Variants in STRN3 observed in about 807,000 individuals in gnomAD.
The protein encoded by STRN3 is striatin 3, also known as striatin-3.
In STRN3, 29 loss-of-function variants were observed where a neutral mutation model predicts 95.6. The observed-to-expected ratio is 0.30, with a 90% CI of 0.23 to 0.41. The LOEUF is 0.41. Among genes scored for constraint, STRN3 ranks in the 10% least tolerant of loss-of-function variants. The pLI, the probability that STRN3 is intolerant of heterozygous loss-of-function variation, is 1.00. For missense variants in STRN3, 890 were observed against 972.1 expected, an observed-to-expected ratio of 0.92 and a Z score of 1.12; for synonymous variants, 331 against 357.6, an observed-to-expected ratio of 0.93 and a Z score of 0.84.
chr14:31,004,714 G>T (rs1405138761), intron 1 of STRN3, among the ~76,000 whole-genome samples: 2 of 152,058 alleles, frequency 1.3e-5, no homozygotes, highest in South Asian at 4.1e-4. Flanking sequence ...CGGAGTTTGT[G>T]GTGAGCCAAG....
intron 13 of STRN3, 29 bp from the exon 14 acceptor site, chr14:30,907,073 T>G (rs771455135): frequency 6.3e-7 from 1 of 1,595,056 alleles, no homozygotes; most frequent in South Asian, 1.1e-5. Flanking sequence ...AACAAAAAAT[T>G]AGGTAAAAGA....
At chr14:31,007,171 A>G (rs983923177) in intron 1 of STRN3, among the ~76,000 whole-genome samples, 2 of 152,238 alleles carry the variant, frequency 1.3e-5, no homozygotes, top group South Asian at 2.1e-4. Flanking sequence ...AAAGGGTCCA[A>G]TAAAAAGAGA....
At position 30,947,133 on chromosome 14, in the gene STRN3, T is replaced by C. The variant is rs757034331; in HGVS notation, c.673A>G (p.Asn225Asp). ...VETKNLEQIL[N>D]GGESPKQKGQ... Reference sequence around the variant, plus strand: ...TTTTGCTTAGGAGATTCACCTCCATTCAGGATCTGTTCTAAATTCTTTGTT... The same window carrying C: ...TTTTGCTTAGGAGATTCACCTCCATCCAGGATCTGTTCTAAATTCTTTGTT... The change falls in exon 5 of 18, where the codon AAT (asparagine) becomes GAT (aspartate). Residue 225 changes from asparagine (N) to aspartate (D), a missense_variant. Coordinates refer to ENST00000357479, the MANE Select transcript of STRN3 (RefSeq NM_001083893.2). 6.2e-7 allele frequency: 1 copy of C among 1,609,100 alleles called. No individual in the cohort carries two copies. Among genetic ancestry groups the C allele is most frequent in the South Asian group, 1.1e-5 (1 of 89,602 alleles).
chr14:31,025,918 G>A lies in STRN3; in HGVS notation c.268C>T (p.Arg90Trp). 1 of 1,601,148 alleles carries A rather than the reference G, an allele frequency of 6.2e-7. No homozygotes were observed. The highest frequency in any genetic ancestry group is 8.5e-7 in the Non-Finnish European group (1 of 1,174,286). ...EMERAHWEVE[R>W]AELQARIAFL... ...CAACGAGGTACCTGCAGTTCGGCCC[G>A]TTCCACCTCCCAGTGCGCCCGCTCC... The change falls in exon 1 of 18, where the codon CGG (arginine) becomes TGG (tryptophan). Residue 90 changes from arginine (R) to tryptophan (W), a missense_variant. Transcript: ENST00000357479.
At chr14:30,974,663 G>A (rs1880999821) in intron 1 of STRN3, among the ~76,000 whole-genome samples, 1 of 151,072 alleles carries the variant, frequency 6.6e-6, no homozygotes, top group Non-Finnish European at 1.5e-5. Flanking sequence ...TATTTGTCAG[G>A]TGCTATGGCA....
At chr14:30,971,893 G>T (rs1296963130) in intron 1 of STRN3, among the ~76,000 whole-genome samples, 1 of 152,100 alleles carries the variant, frequency 6.6e-6, no homozygotes, top group Non-Finnish European at 1.5e-5. Flanking sequence ...AGATGCAGAG[G>T]CTCATAAAAA....
In STRN3 at chr14:30,902,584, T is replaced by C. The variant is rs766645372; in HGVS notation, c.2089A>G (p.Ile697Val). The change falls in exon 16 of 18, where the codon ATA (isoleucine) becomes GTA (valine). Residue 697 changes from isoleucine to valine, a missense_variant. This residue lies in a region of STRN3 where 357 missense variants were observed against 422.8 expected (regional missense o/e 0.84). Transcript: ENST00000357479. ...ATGTGTCTATCTTCATGAGCAGTTATTGTAACAGGAAGTGTGGGATGACTT... is the reference window on the plus strand; with the variant it reads ...ATGTGTCTATCTTCATGAGCAGTTACTGTAACAGGAAGTGTGGGATGACTT... ...VVSHPTLPVT[I>V]TAHEDRHIKF... 6.2e-7 allele frequency: 1 copy of C among 1,609,558 alleles called. No individual in the cohort carries two copies. The highest frequency in any genetic ancestry group is 1.1e-5 in the South Asian group (1 of 89,800).
chr14:30,909,206 T>TA (rs1447787165), intron 13 of STRN3, among the ~76,000 whole-genome samples: 1 of 152,218 alleles, frequency 6.6e-6, no homozygotes, highest in Non-Finnish European at 1.5e-5. Context: ...AATTTTTTTT[T>TA]AGAGATGGGG....
intron 5 of STRN3, 104 bp downstream of exon 5, chr14:30,946,979 CAAAAAAA>C: frequency 4.5e-6 from 2 of 441,552 alleles, no homozygotes; most frequent in South Asian, 5.6e-5. Context: ...GACTCCGTGT[CAAAAAAA>C]AAAAAAAAAA....
At chr14:30,961,469 C>T (rs1212473228) in intron 1 of STRN3, among the ~76,000 whole-genome samples, 2 of 152,166 alleles carry the variant, frequency 1.3e-5, no homozygotes, top group Admixed American at 6.5e-5. Context: ...GTCTAGAAGT[C>T]GTAGCTATTG....
Position 30,979,801 on chromosome 14 carries a change from T to A in STRN3, c.283-23559A>T, listed in dbSNP as rs573389028. ...TTTTAGTATAGATGGCGTTTCACCA[T>A]GTTGGCCAGGATGGTCTTGAACTCC... On this transcript the variant is annotated intron_variant, in intron 1 of 17. Transcript: ENST00000357479. Among the ~76,000 whole-genome samples, 15 of 151,852 alleles carry A rather than the reference T, an allele frequency of 9.9e-5. No homozygotes were observed. In the South Asian group the frequency reaches 3.1e-3, roughly 32 times the overall value.
At chr14:31,019,653 A>T (rs1883408269) in intron 1 of STRN3, among the ~76,000 whole-genome samples, 1 of 152,126 alleles carries the variant, frequency 6.6e-6, no homozygotes, top group South Asian at 2.1e-4. Flanking sequence ...CACAGATTGA[A>T]TCAGTTACTT....
chr14:30,912,424 T>C, intron 10 of STRN3: 1 of 321,232 alleles, frequency 3.1e-6, no homozygotes, highest in Non-Finnish European at 5.6e-6. Context: ...CCTTAATCTG[T>C]TTTTACCTAT....
chr14:30,961,202 A>C (rs1566459600), intron 1 of STRN3, among the ~76,000 whole-genome samples: 1 of 152,246 alleles, frequency 6.6e-6, no homozygotes, highest in Non-Finnish European at 1.5e-5. Flanking sequence ...ACCATAAAAC[A>C]AGAAACAAAG....
At chr14:31,019,198 T>C (rs915655025) in intron 1 of STRN3, among the ~76,000 whole-genome samples, 1 of 152,108 alleles carries the variant, frequency 6.6e-6, no homozygotes, top group Admixed American at 6.6e-5. Flanking sequence ...GTCCAAGCTA[T>C]TTGGGAGGCT....
intron 5 of STRN3, 143 bp downstream of exon 5, chr14:30,946,947 C>G (rs1341053263): frequency 3.9e-5 from 20 of 512,278 alleles, no homozygotes; most frequent in South Asian, 3.9e-4. Flanking sequence ...CCATTGCACT[C>G]CAGCTTGGGC....
At chr14:30,993,019 T>C (rs1451693855) in intron 1 of STRN3, among the ~76,000 whole-genome samples, 1 of 152,012 alleles carries the variant, frequency 6.6e-6, no homozygotes, top group Non-Finnish European at 1.5e-5. Flanking sequence ...TAATTTATAA[T>C]CTTAATAAGA....
At chr14:30,919,360 G>GAT (rs768039179) in intron 8 of STRN3, among the ~76,000 whole-genome samples, 1 of 146,792 alleles carries the variant, frequency 6.8e-6, no homozygotes, top group East Asian at 2.3e-4. Flanking sequence ...TCTCTCTAAA[G>GAT]AGATATATAT....
Position 30,894,947 on chromosome 14 carries a change from A to G in STRN3, c.*464T>C. 9.1e-7 allele frequency: 1 copy of G among 1,102,428 alleles called. No homozygotes were observed. The allele number at this position is 1,102,428 out of a possible 1,614,324, so 68.3% of individuals were successfully genotyped here. On this transcript the variant is annotated 3_prime_UTR_variant, in exon 18 of 18. Transcript: ENST00000357479. The stretch of plus-strand genomic sequence containing the variant: ...TTTAAAAGGGAATCTGTGGCATTCA[A>G]CCGATAAACAGAAGATCACTAAGAG...
Sources: allele counts gnomAD v4.1 joint callset (sites outside exome capture counted in the v4.1 genomes callset), GRCh38; gene constraint gnomAD v4.1.1; regional missense constraint gnomAD v4.1.1; transcripts MANE v1.5; gene names NCBI Gene and HGNC (gene_info 2026-07-23, HGNC 2026-07-21).